The following ARHGEF33 variants were observed in gnomAD, a reference collection of about 807,000 sequenced individuals.
The protein encoded by ARHGEF33 is DH and coiled-coil domain-containing protein ENSP00000381780.
Under a neutral mutation model 101.9 loss-of-function variants are expected in ARHGEF33, and 72 were observed. That is an observed-to-expected ratio of 0.71 (90% CI 0.58 to 0.86). The LOEUF (loss-of-function observed/expected upper bound fraction) is 0.86. ARHGEF33 is among the 40% of genes least tolerant of loss of function. The pLI, the probability that ARHGEF33 is intolerant of heterozygous loss-of-function variation, is 0.00. For missense variants in ARHGEF33, 1,169 were observed against 1,111.3 expected, an observed-to-expected ratio of 1.05 and a Z score of -0.74; for synonymous variants, 499 against 442.5, an observed-to-expected ratio of 1.13 and a Z score of -1.60.
intron 17 of ARHGEF33, among the ~76,000 whole-genome samples, chr2:38,966,935 C>T (rs907705795): frequency 6.6e-6 from 1 of 152,200 alleles, no homozygotes; most frequent in Admixed American, 6.5e-5. Flanking sequence ...TCTCCACTGG[C>T]TCAGCCTACC....
At chr2:38,915,384 T>C (rs903858062) in intron 2 of ARHGEF33, among the ~76,000 whole-genome samples, 1 of 36,210 alleles carries the variant, frequency 2.8e-5, no homozygotes, top group East Asian at 3.6e-3. Context: ...TTTATTGACT[T>C]TTTTTTTTTT....
At chr2:38,921,482 C>G (rs1476081078) in intron 4 of ARHGEF33, 59 bp downstream of exon 4, 2 of 1,125,554 alleles carry the variant, frequency 1.8e-6, no homozygotes, top group East Asian at 2.6e-5. Context: ...ACTGACTATT[C>G]TTTATGTGTA....
Position 38,951,131 on chromosome 2 carries a change from T to A in ARHGEF33, c.1053+10T>A. 1.3e-6 allele frequency: 2 copies of A among 1,551,376 alleles called. No individual in the cohort carries two copies. The highest frequency in any genetic ancestry group is 1.7e-6 in the Non-Finnish European group (2 of 1,146,776). ...GTTAACAAATGACGAGGTAAGGTTT[T>A]TTCTGCCCCTCTATACATTTTACTT... is the stretch of plus-strand genomic sequence containing the variant. On this transcript the variant is annotated intron_variant, in intron 11 of 17. Transcript: ENST00000409978.
chr2:38,893,558 T>C (rs1026706639), intron 1 of ARHGEF33, among the ~76,000 whole-genome samples: 1 of 152,226 alleles, frequency 6.6e-6, no homozygotes, highest in Non-Finnish European at 1.5e-5. Context: ...CACAAGGGAA[T>C]TCATCTTTTC....
chr2:38,892,467 C>T (rs1300101209), intron 1 of ARHGEF33, among the ~76,000 whole-genome samples: 1 of 152,060 alleles, frequency 6.6e-6, no homozygotes, highest in Non-Finnish European at 1.5e-5. Context: ...TGCTAAGTAC[C>T]ATAACACCCG....
rs535417102 is a variant in ARHGEF33, at chr2:38,889,896, C to T, written c.-249C>T. On this transcript the variant is annotated 5_prime_UTR_variant, in exon 1 of 18. Coordinates refer to ENST00000409978, the MANE Select transcript of ARHGEF33 (RefSeq NM_001145451.5). Reference sequence around the variant, plus strand: ...TCTCGTTTCAGGGGAAGTCAAGCCTCTCTACTGCTTCTTTTTATAACCTTT... The same window carrying T: ...TCTCGTTTCAGGGGAAGTCAAGCCTTTCTACTGCTTCTTTTTATAACCTTT... 1 of 470,888 alleles carries T rather than the reference C, an allele frequency of 2.1e-6. No homozygotes were observed. Among genetic ancestry groups the T allele is most frequent in the African/African-American group, 2.0e-5 (1 of 50,074 alleles). The allele number at this position is 470,888 out of a possible 1,614,324, so 29.2% of individuals were successfully genotyped here.
intron 1 of ARHGEF33, among the ~76,000 whole-genome samples, chr2:38,894,108 C>T (rs1666067655): frequency 6.6e-6 from 1 of 152,090 alleles, no homozygotes; most frequent in African/African-American, 2.4e-5. Context: ...CATTTCAGCC[C>T]AGGAATTCGA....
intron 9 of ARHGEF33, among the ~76,000 whole-genome samples, chr2:38,940,635 C>A (rs923611384): frequency 5.3e-5 from 8 of 152,118 alleles, no homozygotes; most frequent in Non-Finnish European, 2.9e-5. Flanking sequence ...TTTGGTGGAA[C>A]ACATCATCCA....
chr2:38,928,822 T>G (rs1428885662), intron 4 of ARHGEF33, 85 bp from the exon 5 acceptor site: 64 of 1,314,874 alleles, frequency 4.9e-5, no homozygotes, highest in Non-Finnish European at 6.0e-5. Flanking sequence ...GGCTTGTTTC[T>G]CAAACAAAAG....
At chr2:38,967,311 G>C (rs956738811) in intron 17 of ARHGEF33, among the ~76,000 whole-genome samples, 4 of 152,178 alleles carry the variant, frequency 2.6e-5, no homozygotes, top group African/African-American at 9.6e-5. Context: ...TGGAGAAGGG[G>C]GAAGAGGAAG....
intron 2 of ARHGEF33, among the ~76,000 whole-genome samples, chr2:38,916,967 A>C (rs72916821): frequency 0.076 from 11,434 of 151,110 alleles, 1,314 homozygotes; most frequent in African/African-American, 0.25. Context: ...CGCCCGATTA[A>C]TTTTGTATTT....
At chr2:38,916,348 G>A (rs573944327) in intron 2 of ARHGEF33, among the ~76,000 whole-genome samples, 43 of 152,242 alleles carry the variant, frequency 2.8e-4, no homozygotes, top group Admixed American at 2.7e-3. Context: ...CCCTCCTTAG[G>A]TCTCATGTGC....
intron 4 of ARHGEF33, 72 bp downstream of exon 4, chr2:38,921,495 CG>C: frequency 9.6e-7 from 1 of 1,043,010 alleles, no homozygotes; most frequent in Admixed American, 2.0e-5. Flanking sequence ...TATGTGTACA[CG>C]TTTTTAGCAC....
chr2:38,924,296 G>T (rs1180039209), intron 4 of ARHGEF33, among the ~76,000 whole-genome samples: 1 of 152,136 alleles, frequency 6.6e-6, no homozygotes, highest in Non-Finnish European at 1.5e-5. Context: ...GAAACTTTTA[G>T]AAAAGTCTAT....
chr2:38,952,180 G>A (rs1667628030), intron 11 of ARHGEF33, among the ~76,000 whole-genome samples: 1 of 152,226 alleles, frequency 6.6e-6, no homozygotes, highest in Non-Finnish European at 1.5e-5. Context: ...GCCAGACTTT[G>A]CCTGAAATCA....
At chr2:38,953,382 C>A in intron 12 of ARHGEF33, 137 bp downstream of exon 12, 3 of 614,208 alleles carry the variant, frequency 4.9e-6, no homozygotes, top group Non-Finnish European at 8.9e-6. Context: ...ACTAATACCA[C>A]TACCTGGCAT....
chr2:38,933,956 C>T (rs1024669535), intron 7 of ARHGEF33, among the ~76,000 whole-genome samples: 1 of 152,190 alleles, frequency 6.6e-6, no homozygotes, highest in Non-Finnish European at 1.5e-5. Flanking sequence ...TGTCATTTTA[C>T]AGGCCCAAGT....
chr2:38,932,948 C>T (rs941011297), intron 7 of ARHGEF33, among the ~76,000 whole-genome samples: 1 of 152,190 alleles, frequency 6.6e-6, no homozygotes, highest in African/African-American at 2.4e-5. Flanking sequence ...ACATTCTGCA[C>T]ATACTTGGTG....
chr2:38,959,638 G>A (rs1055448546), intron 15 of ARHGEF33: 9 of 542,238 alleles, frequency 1.7e-5, no homozygotes, highest in African/African-American at 1.4e-4. Context: ...CAATACCTTC[G>A]GGCCTCCGCT....
Sources: gnomAD v4.1 joint callset for allele counts (sites outside exome capture counted in the v4.1 genomes callset) on GRCh38, gnomAD v4.1.1 for gene constraint, MANE v1.5 for transcripts, NCBI Gene and HGNC (gene_info 2026-07-23, HGNC 2026-07-21) for gene names.